Variants in HMGN5 observed in about 807,000 individuals in gnomAD.
HMGN5 encodes the protein high mobility group nucleosome-binding domain-containing protein 5.
In HMGN5, 4 loss-of-function variants were observed where a neutral mutation model predicts 9.5. That is an observed-to-expected ratio of 0.42 (90% CI 0.21 to 0.96). The LOEUF (loss-of-function observed/expected upper bound fraction) is 0.96, where lower values mean the gene tolerates loss of function less well. Ranked by LOEUF, HMGN5 falls within the 40% of genes least tolerant of loss-of-function variation. The probability of loss-of-function intolerance (pLI) is 0.30; values close to 1 mark genes in which losing one functional copy is unlikely to be tolerated. For missense variants in HMGN5, 192 were observed against 187.5 expected, an observed-to-expected ratio of 1.02 and a Z score of -0.14; for synonymous variants, 55 against 57.1, an observed-to-expected ratio of 0.96 and a Z score of 0.16.
At chrX:81,121,224 G>A (rs1241058788) in intron 2 of HMGN5, among the ~76,000 whole-genome samples, 2 of 109,682 alleles carry the variant, frequency 1.8e-5, no homozygotes, top group African/African-American at 6.7e-5. Flanking sequence ...TAGGGTAAGC[G>A]GAGGAAGGGG....
At chrX:81,155,102 T>TATATATATATATATATATACAC (rs1407923805) in intron 1 of HMGN5, among the ~76,000 whole-genome samples, 1 of 91,068 alleles carries the variant, frequency 1.1e-5, no homozygotes, top group African/African-American at 4.0e-5. Flanking sequence ...TATATATATA[T>TATATATATATATATATATACAC]ACACACACAC....
chrX:81,187,511 T>C (rs898568079), intron 1 of HMGN5, among the ~76,000 whole-genome samples: 2 of 112,014 alleles, frequency 1.8e-5, no homozygotes, highest in Non-Finnish European at 3.8e-5. Flanking sequence ...CTGATATTAG[T>C]GTAGCTACTC....
At chrX:81,179,044 A>T (rs1210309856) in intron 1 of HMGN5, among the ~76,000 whole-genome samples, 1 of 111,741 alleles carries the variant, frequency 8.9e-6, no homozygotes, top group Non-Finnish European at 1.9e-5. Context: ...TATTGATGGG[A>T]CGTATCTCAA....
intron 1 of HMGN5, among the ~76,000 whole-genome samples, chrX:81,180,157 T>C (rs2075457766): frequency 9.0e-6 from 1 of 111,483 alleles, no homozygotes; most frequent in Non-Finnish European, 1.9e-5. Context: ...GGGCTTCATG[T>C]CTAAAACACC....
At chrX:81,162,021 T>C (rs1310355780) in intron 1 of HMGN5, among the ~76,000 whole-genome samples, 1 of 111,397 alleles carries the variant, frequency 9.0e-6, no homozygotes, top group African/African-American at 3.3e-5. Flanking sequence ...AGGTTGGGAC[T>C]CTTTGTTAAA....
chrX:81,122,040 T>C (rs976381165), intron 1 of HMGN5, among the ~76,000 whole-genome samples: 3 of 112,475 alleles, frequency 2.7e-5, no homozygotes, highest in African/African-American at 9.7e-5. Flanking sequence ...CCCTTCCCTA[T>C]TCCTAGCGGG....
rs1397550217 is a variant in HMGN5, at chrX:81,115,233, G to A, written c.268-3C>T. The A allele has an allele frequency of 3.5e-6, 4 of 1,156,218 alleles. No individual in the cohort carries two copies. Among genetic ancestry groups the A allele is most frequent in the Non-Finnish European group, 3.4e-6 (3 of 873,424 alleles). ...ATTTCTTTTTCAGAAGCTGGTGCCTGTAAGTATAGTGAAAAGAAAAACAAG... is the reference window on the plus strand; with the variant it reads ...ATTTCTTTTTCAGAAGCTGGTGCCTATAAGTATAGTGAAAAGAAAAACAAG... On this transcript the variant is annotated splice_polypyrimidine_tract_variant and splice_region_variant and intron_variant, in intron 6 of 6. Transcript: ENST00000358130.
chrX:81,150,467 A>G (rs761709169), intron 1 of HMGN5, among the ~76,000 whole-genome samples: 1 of 111,434 alleles, frequency 9.0e-6, no homozygotes, highest in South Asian at 3.8e-4. Context: ...AGGGAGGCTG[A>G]GGCAGGAGAA....
intron 1 of HMGN5, among the ~76,000 whole-genome samples, chrX:81,182,779 G>A (rs12855470): frequency 0.14 from 16,160 of 111,730 alleles, 915 homozygotes; most frequent in Non-Finnish European, 0.16. Context: ...CTTTATAGCA[G>A]TGTGTGAATT....
chrX:81,156,094 A>C (rs2075382232), intron 1 of HMGN5, among the ~76,000 whole-genome samples: 1 of 111,972 alleles, frequency 8.9e-6, no homozygotes, highest in Non-Finnish European at 1.9e-5. Context: ...AATTTCAATT[A>C]AAAAAATGGA....
intron 5 of HMGN5, among the ~76,000 whole-genome samples, chrX:81,117,792 G>A (rs931085410): frequency 9.1e-6 from 1 of 110,490 alleles, no homozygotes; most frequent in African/African-American, 3.3e-5. Flanking sequence ...CAACTACAAA[G>A]TGATAGGATT....
At chrX:81,157,511 T>C (rs747308937) in intron 1 of HMGN5, among the ~76,000 whole-genome samples, 6 of 111,411 alleles carry the variant, frequency 5.4e-5, no homozygotes, top group Non-Finnish European at 7.5e-5. Flanking sequence ...CATTATTCCA[T>C]AGCACATCTT....
intron 1 of HMGN5, among the ~76,000 whole-genome samples, chrX:81,193,486 C>G (rs2075499669): frequency 8.9e-6 from 1 of 112,339 alleles, no homozygotes; most frequent in African/African-American, 3.2e-5. Flanking sequence ...GTAGTCACCT[C>G]TGTGCCCTGG....
intron 1 of HMGN5, among the ~76,000 whole-genome samples, chrX:81,186,315 G>T (rs1011195761): frequency 9.0e-6 from 1 of 111,572 alleles, no homozygotes; most frequent in African/African-American, 3.2e-5. Context: ...TCCAGGTTTT[G>T]GATTTATCCA....
At chrX:81,137,941 C>T (rs2075316041) in intron 1 of HMGN5, among the ~76,000 whole-genome samples, 1 of 111,275 alleles carries the variant, frequency 9.0e-6, no homozygotes. Flanking sequence ...TAAATTTTAC[C>T]AGTTATAAGA....
chrX:81,146,924 T>A lies in HMGN5; in HGVS notation c.-123-25252A>T, dbSNP rs1213725022. On this transcript the variant is annotated intron_variant, in intron 1 of 6. Coordinates refer to ENST00000358130, the MANE Select transcript of HMGN5 (RefSeq NM_030763.3). ...AGAAATGGATAAGTTCCAGGACACA[T>A]ACACCCTCCCAAGACTAAACCAGGA... Among the ~76,000 whole-genome samples, 8 of 111,541 alleles carry A rather than the reference T, an allele frequency of 7.2e-5. No individual in the cohort carries two copies. In the Admixed American group the frequency reaches 7.6e-4, roughly 11 times the overall value.
intron 1 of HMGN5, among the ~76,000 whole-genome samples, chrX:81,152,340 G>A (rs1005725722): frequency 8.9e-6 from 1 of 111,897 alleles, no homozygotes; most frequent in Non-Finnish European, 1.9e-5. Flanking sequence ...CAAAGGATAT[G>A]AACAGACACT....
At chrX:81,171,323 C>T (rs957329922) in intron 1 of HMGN5, among the ~76,000 whole-genome samples, 7 of 111,500 alleles carry the variant, frequency 6.3e-5, no homozygotes, top group Admixed American at 5.7e-4. Flanking sequence ...CTGAAGTTAA[C>T]ACCTGAAAAT....
At chrX:81,123,944 C>T (rs1423323338) in intron 1 of HMGN5, among the ~76,000 whole-genome samples, 2 of 111,705 alleles carry the variant, frequency 1.8e-5, no homozygotes, top group East Asian at 5.6e-4. Flanking sequence ...GCAAATGCAG[C>T]GGCAGGAAAA....
Sources: allele counts gnomAD v4.1 joint callset (sites outside exome capture counted in the v4.1 genomes callset), GRCh38; gene constraint gnomAD v4.1.1; transcripts MANE v1.5; gene names NCBI Gene and HGNC (gene_info 2026-07-23, HGNC 2026-07-21).